The following FREM2 variants were observed in gnomAD, a reference collection of about 807,000 sequenced individuals.
FREM2 encodes the protein FRAS1-related extracellular matrix protein 2.
A neutral mutation model predicts 219.9 loss-of-function variants in FREM2; 119 were observed. The ratio of observed to expected loss-of-function variants is 0.54; its 90% CI spans 0.47 to 0.63. The LOEUF is 0.63. Among genes scored for constraint, FREM2 ranks in the 30% least tolerant of loss-of-function variants. The probability of loss-of-function intolerance (pLI) is 0.00; values close to 1 mark genes in which losing one functional copy is unlikely to be tolerated. For synonymous variants in FREM2, 1,562 were observed against 1,522.8 expected (o/e 1.03, Z -0.60); for missense variants, 4,030 against 3,993.6 (o/e 1.01, Z -0.25).
intron 2 of FREM2, among the ~76,000 whole-genome samples, chr13:38,755,294 A>G (rs926221804): frequency 6.6e-6 from 1 of 151,980 alleles, no homozygotes; most frequent in African/African-American, 2.4e-5. Flanking sequence ...TCTACTAGAA[A>G]TCCTATCACA....
chr13:38,870,960 T>C lies in FREM2; in HGVS notation c.7984-1782T>C, dbSNP rs150423167. On this transcript the variant is annotated intron_variant, in intron 16 of 23. Transcript: ENST00000280481. ...TTTTTAAAATCATGGTTTATTAAAA[T>C]TGTAAGGTAAAATATTAATCTTAAG... 6.5e-3 allele frequency among the ~76,000 whole-genome samples: 986 copies of C among 152,298 alleles called. 6 individuals carry two copies. The highest frequency in any genetic ancestry group is 0.023 in the African/African-American group (942 of 41,564).
intron 2 of FREM2, among the ~76,000 whole-genome samples, chr13:38,744,448 C>T (rs1349563123): frequency 6.6e-6 from 1 of 151,640 alleles, no homozygotes; most frequent in African/African-American, 2.4e-5. Flanking sequence ...CTTTTAATGA[C>T]TCCAACTTGT....
chr13:38,738,565 C>CAAATAAAAAA (rs1418720081), intron 2 of FREM2, among the ~76,000 whole-genome samples: 1 of 48,466 alleles, frequency 2.1e-5, no homozygotes, highest in Non-Finnish European at 4.3e-5. Flanking sequence ...GACTCCATCT[C>CAAATAAAAAA]AAAAAAAAAA....
intron 6 of FREM2, chr13:38,821,714 C>T (rs1466093033): frequency 6.6e-6 from 1 of 152,148 alleles, no homozygotes; most frequent in African/African-American, 2.4e-5. Context: ...CCTGGCCTCA[C>T]TTCACGTGCT....
At chr13:38,877,819 T>G (rs1878393808) in intron 21 of FREM2, among the ~76,000 whole-genome samples, 1 of 152,236 alleles carries the variant, frequency 6.6e-6, no homozygotes, top group African/African-American at 2.4e-5. Context: ...TTTTGTAAAC[T>G]GGACTTGGAC....
chr13:38,739,138 G>A (rs989272469), intron 2 of FREM2, among the ~76,000 whole-genome samples: 1 of 152,134 alleles, frequency 6.6e-6, no homozygotes, highest in African/African-American at 2.4e-5. Context: ...AGTAGAAACA[G>A]AAATGGTAGA....
In FREM2 at chr13:38,777,270, C is replaced by T. The variant is rs372689441; in HGVS notation, c.5642-5800C>T. Among the ~76,000 whole-genome samples, 20 of 152,236 alleles carry T rather than the reference C, an allele frequency of 1.3e-4. No homozygotes were observed. In the South Asian group the frequency reaches 4.1e-3, roughly 32 times the overall value. On this transcript the variant is annotated intron_variant, in intron 4 of 23. Transcript: ENST00000280481. ...GTTTTTTCTGATTCTACTGCAATGG[C>T]CATCTCTCTGCCTTAGCAGTACTTC...
intron 2 of FREM2, among the ~76,000 whole-genome samples, chr13:38,706,000 T>G (rs145849107): frequency 6.6e-6 from 1 of 152,308 alleles, no homozygotes; most frequent in Non-Finnish European, 1.5e-5. Flanking sequence ...CCAAAGTTAT[T>G]TCACACGTTG....
At chr13:38,831,820 A>G (rs898272971) in intron 6 of FREM2, among the ~76,000 whole-genome samples, 4 of 149,328 alleles carry the variant, frequency 2.7e-5, no homozygotes, top group African/African-American at 7.4e-5. Flanking sequence ...GGCTTTTGCC[A>G]TGTTGGCCAG....
Position 38,850,189 on chromosome 13 carries a change from T to G in FREM2, c.6531T>G (p.Phe2177Leu), listed in dbSNP as rs1448658772. 2 of 1,614,056 alleles carry G rather than the reference T, an allele frequency of 1.2e-6. No homozygotes were observed. The highest frequency in any genetic ancestry group is 1.7e-6 in the Non-Finnish European group (2 of 1,179,934). The stretch of plus-strand genomic sequence containing the variant: ...GGTCTGCACAGGTGATGATGGACTT[T>G]GAAGAACGCCCAAACACTGATACCT... ...RQGSAQVMMD[F>L]EERPNTDTSI... Residue 2177 changes from phenylalanine (F) to leucine (L), a missense_variant, in exon 9 of 24, where the codon TTT becomes TTG. By Grantham distance (22) the Phe-to-Leu change is conservative (BLOSUM62 0). Transcript: ENST00000280481.
Position 38,691,859 on chromosome 13 carries a change from C to T in FREM2, c.4515C>T (p.Asp1505=). The T allele has an allele frequency of 6.2e-7, 1 of 1,614,074 alleles. No individual in the cohort carries two copies. Among genetic ancestry groups the T allele is most frequent in the Non-Finnish European group, 8.5e-7 (1 of 1,180,018 alleles). The stretch of plus-strand genomic sequence containing the variant: ...CAGCTGATGATGAAGTGAAAATGGA[C>T]AGTTTTGAGTTTCAAGTCACCGATG... ...IHTADDEVKM[D]SFEFQVTDGR... The change falls in exon 1 of 24, where the codon GAC becomes GAT. Residue 1505 remains aspartate, a synonymous_variant. Transcript: ENST00000280481.
intron 6 of FREM2, among the ~76,000 whole-genome samples, chr13:38,834,260 C>T (rs1046146448): frequency 4.0e-5 from 6 of 151,556 alleles, no homozygotes; most frequent in African/African-American, 1.2e-4. Context: ...TGAGTGAGAA[C>T]ATGCAGTGTT....
intron 1 of FREM2, 31 bp downstream of exon 1, chr13:38,692,548 C>T (rs1423573902): frequency 6.2e-7 from 1 of 1,601,098 alleles, no homozygotes; most frequent in Non-Finnish European, 8.5e-7. Flanking sequence ...CTTGGTTATC[C>T]TTGTTTCCTG....
At chr13:38,710,023 A>G (rs981295217) in intron 2 of FREM2, among the ~76,000 whole-genome samples, 1 of 149,746 alleles carries the variant, frequency 6.7e-6, no homozygotes, top group Admixed American at 6.7e-5. Flanking sequence ...ACACACACAC[A>G]CACACACACA....
intron 2 of FREM2, among the ~76,000 whole-genome samples, chr13:38,730,005 T>G (rs1025903259): frequency 6.6e-6 from 1 of 152,252 alleles, no homozygotes; most frequent in African/African-American, 2.4e-5. Flanking sequence ...ATATTTTCTC[T>G]TTTTTGTATA....
rs1426067774 is a variant in FREM2, at chr13:38,813,502, C to T, written c.6019+28694C>T. 6.0e-3 allele frequency among the ~76,000 whole-genome samples: 95 copies of T among 15,714 alleles called. 1 individual carries two copies. The highest frequency in any genetic ancestry group is 0.023 in the African/African-American group (95 of 4,088). 10.3% of individuals were successfully genotyped at this position (15,714 alleles called of 152,430 possible). ...TCTCTCTCTCTCTCTCTCTCTCTCT[C>T]TCTCTCTCTCTCTCTCCTCTCTCTC... On this transcript the variant is annotated intron_variant, in intron 6 of 23. Transcript: ENST00000280481.
At chr13:38,834,044 G>A (rs550845682) in intron 6 of FREM2, among the ~76,000 whole-genome samples, 1 of 152,182 alleles carries the variant, frequency 6.6e-6, no homozygotes, top group South Asian at 2.1e-4. Context: ...TATACTTTAA[G>A]TTCTGGGATA....
At chr13:38,856,066 A>T (rs78299133) in intron 11 of FREM2, 60 bp from the exon 12 acceptor site, 39 of 1,177,382 alleles carry the variant, frequency 3.3e-5, no homozygotes, top group Non-Finnish European at 3.5e-5. Context: ...AAAAAAAAAA[A>T]ATAGAAAACT....
At position 38,692,271 on chromosome 13, in the gene FREM2, G is replaced by C; in HGVS notation, c.4927G>C (p.Val1643Leu). Reference sequence around the variant, plus strand: ...GGTGTTTGAAACAAGGAGACCCCAAGTGATGAAGATCCAGGTCTTGGCTGT... The same window carrying C: ...GGTGTTTGAAACAAGGAGACCCCAACTGATGAAGATCCAGGTCTTGGCTGT... ...DTVFETRRPQVMKIQVLAVDN... is the reference protein window; with the variant it reads ...DTVFETRRPQLMKIQVLAVDN... Residue 1643 changes from valine to leucine, a missense_variant, in exon 1 of 24, where the codon GTG (valine) becomes CTG (leucine). Physicochemically the swap from Val to Leu is conservative, Grantham distance 32. This residue lies in a region of FREM2 where 3,102 missense variants were observed against 2,950.7 expected (regional missense o/e 1.05). Coordinates refer to ENST00000280481, the MANE Select transcript of FREM2 (RefSeq NM_207361.6). 3 of 1,613,944 alleles carry C rather than the reference G, an allele frequency of 1.9e-6. No homozygotes were observed. The highest frequency in any genetic ancestry group is 1.1e-5 in the South Asian group (1 of 91,062).
Sources: allele counts gnomAD v4.1 joint callset (sites outside exome capture counted in the v4.1 genomes callset), GRCh38; gene constraint gnomAD v4.1.1; regional missense constraint gnomAD v4.1.1; transcripts MANE v1.5; gene names NCBI Gene and HGNC (gene_info 2026-07-23, HGNC 2026-07-21).